The following MKX variants were observed in gnomAD, a reference collection of about 807,000 sequenced individuals.
MKX encodes the protein mohawk homeobox.
A neutral mutation model predicts 36.0 loss-of-function variants in MKX; 13 were observed. That is an observed-to-expected ratio of 0.36 (90% CI 0.24 to 0.57). The LOEUF (loss-of-function observed/expected upper bound fraction) is 0.57. Ranked by LOEUF, MKX falls within the 20% of genes least tolerant of loss-of-function variation. The pLI, the probability that MKX is intolerant of heterozygous loss-of-function variation, is 0.79. For synonymous variants in MKX, 176 were observed against 178.3 expected, an observed-to-expected ratio of 0.99 and a Z score of 0.10; for missense variants, 458 against 456.4, an observed-to-expected ratio of 1.00 and a Z score of -0.03.
rs913172235 is a variant in MKX, at chr10:27,721,459, G to A, written c.838+12997C>T. ...ACTATGCACCCATAAAAAGAAATGC[G>A]ATAATGTCCTTTGCAGGGACACGCA... On this transcript the variant is annotated intron_variant, in intron 5 of 6. Transcript: ENST00000419761. 4.6e-5 allele frequency among the ~76,000 whole-genome samples: 7 copies of A among 152,148 alleles called. No individual in the cohort carries two copies. The East Asian group carries it at 7.7e-4, about 17-fold the overall frequency.
intron 5 of MKX, among the ~76,000 whole-genome samples, chr10:27,727,651 A>G (rs1489387940): frequency 6.6e-6 from 1 of 152,238 alleles, no homozygotes; most frequent in Non-Finnish European, 1.5e-5. Context: ...ATTTGTATAA[A>G]TCTCATTTTA....
intron 5 of MKX, among the ~76,000 whole-genome samples, chr10:27,727,294 G>A (rs148584472): frequency 7.9e-5 from 12 of 152,284 alleles, no homozygotes; most frequent in East Asian, 5.8e-4. Flanking sequence ...GGGCTCTCAC[G>A]TGATACCAAA....
chr10:27,713,961 TTC>T (rs1404494743), intron 5 of MKX, among the ~76,000 whole-genome samples: 1 of 140,996 alleles, frequency 7.1e-6, no homozygotes, highest in Non-Finnish European at 1.5e-5. Context: ...CTTTTCTTAC[TTC>T]TCACCTGCTC....
chr10:27,728,246 A>G (rs973290834), intron 5 of MKX, among the ~76,000 whole-genome samples: 2 of 152,260 alleles, frequency 1.3e-5, no homozygotes, highest in Non-Finnish European at 2.9e-5. Context: ...TTACTGGTCA[A>G]CAAAAGCCCA....
intron 1 of MKX, chr10:27,745,475 T>A (rs2132665821): frequency 6.6e-6 from 1 of 152,546 alleles, no homozygotes; most frequent in Non-Finnish European, 1.5e-5. Context: ...AGTGTCCCCC[T>A]CCCCCAACGC....
At chr10:27,704,077 G>A (rs991024749) in intron 5 of MKX, among the ~76,000 whole-genome samples, 18 of 152,204 alleles carry the variant, frequency 1.2e-4, no homozygotes, top group Admixed American at 5.9e-4. Flanking sequence ...TAGAAAATGC[G>A]ATGGAAGAAA....
At chr10:27,703,885 G>GC (rs1836706279) in intron 5 of MKX, among the ~76,000 whole-genome samples, 1 of 152,034 alleles carries the variant, frequency 6.6e-6, no homozygotes, top group African/African-American at 2.4e-5. Flanking sequence ...GGGCAACAGA[G>GC]CGAGACTCTG....
At chr10:27,683,263 T>C (rs1273320555) in intron 5 of MKX, among the ~76,000 whole-genome samples, 3 of 152,216 alleles carry the variant, frequency 2.0e-5, no homozygotes, top group African/African-American at 7.2e-5. Context: ...TGTGAAGGTA[T>C]GTTTAGATAC....
At chr10:27,703,828 A>C (rs959430421) in intron 5 of MKX, among the ~76,000 whole-genome samples, 2 of 152,166 alleles carry the variant, frequency 1.3e-5, no homozygotes, top group African/African-American at 4.8e-5. Context: ...TGAACCCAGG[A>C]GATGGAGGTT....
At chr10:27,711,483 C>CTTTCTTTCTTTT (rs1391922537) in intron 5 of MKX, among the ~76,000 whole-genome samples, 1 of 63,292 alleles carries the variant, frequency 1.6e-5, no homozygotes, top group African/African-American at 5.8e-5. Context: ...TTCTTTCTTT[C>CTTTCTTTCTTTT]TCTCTCTCTC....
At position 27,741,205 on chromosome 10, in the gene MKX, G is replaced by GT; in HGVS notation, c.348+139dup. On this transcript the variant is annotated intron_variant, in intron 3 of 6. Coordinates refer to ENST00000419761, the MANE Select transcript of MKX (RefSeq NM_173576.3). This position sits in a 1 kb window ranked among gnomAD's most constrained non-coding sequence, Gnocchi z 5.1. Reference sequence around the variant, plus strand: ...CTGAACTGAGGGATGAGGGTGAGAGGTAATTCAGAAACTCCCACAGCTCGG... The same window carrying GT: ...CTGAACTGAGGGATGAGGGTGAGAGGTTAATTCAGAAACTCCCACAGCTCGG... The GT allele has an allele frequency of 9.9e-7, 1 of 1,011,570 alleles. No homozygotes were observed. Among genetic ancestry groups the GT allele is most frequent in the South Asian group, 1.5e-5 (1 of 67,178 alleles). 62.7% of individuals were successfully genotyped at this position (1,011,570 alleles called of 1,614,324 possible).
At chr10:27,681,482 G>A (rs533814544) in intron 5 of MKX, among the ~76,000 whole-genome samples, 58 of 151,994 alleles carry the variant, frequency 3.8e-4, no homozygotes, top group African/African-American at 1.4e-3. Context: ...CACACCTACT[G>A]AGCTGCTAAA....
At chr10:27,696,842 G>T (rs1251332067) in intron 5 of MKX, among the ~76,000 whole-genome samples, 1 of 152,160 alleles carries the variant, frequency 6.6e-6, no homozygotes, top group Non-Finnish European at 1.5e-5. Context: ...AAATGTAAAG[G>T]TTCTTACTCA....
intron 5 of MKX, among the ~76,000 whole-genome samples, chr10:27,679,419 T>G (rs1836213119): frequency 6.6e-6 from 1 of 152,158 alleles, no homozygotes; most frequent in Non-Finnish European, 1.5e-5. Context: ...GCAGTCTCTG[T>G]GTTCAAAGTG....
At chr10:27,690,590 G>C (rs1029222267) in intron 5 of MKX, among the ~76,000 whole-genome samples, 1 of 152,098 alleles carries the variant, frequency 6.6e-6, no homozygotes, top group African/African-American at 2.4e-5. Context: ...GGGGATCATT[G>C]TAACACCTAC....
At chr10:27,707,473 G>T (rs1836777385) in intron 5 of MKX, among the ~76,000 whole-genome samples, 6 of 151,990 alleles carry the variant, frequency 3.9e-5, no homozygotes, top group Admixed American at 3.9e-4. Flanking sequence ...AGTGGGTGTG[G>T]GTATCTCTTA....
At chr10:27,711,707 G>A (rs1436134460) in intron 5 of MKX, among the ~76,000 whole-genome samples, 3 of 149,512 alleles carry the variant, frequency 2.0e-5, no homozygotes, top group African/African-American at 7.4e-5. Context: ...CCCAGTAGCC[G>A]AAACTACAGG....
At chr10:27,687,516 T>TAA (rs1487951241) in intron 5 of MKX, among the ~76,000 whole-genome samples, 2 of 152,210 alleles carry the variant, frequency 1.3e-5, no homozygotes, top group South Asian at 2.1e-4. Context: ...TGGTGGCTCT[T>TAA]TAGTCATTTC....
At chr10:27,735,609 C>CA (rs1239926518) in intron 3 of MKX, among the ~76,000 whole-genome samples, 1 of 151,876 alleles carries the variant, frequency 6.6e-6, no homozygotes, top group Non-Finnish European at 1.5e-5. Context: ...GCCTTGACAT[C>CA]AAAAAATTTA....
Sources: gnomAD v4.1 joint callset for allele counts (sites outside exome capture counted in the v4.1 genomes callset) on GRCh38, gnomAD v4.1.1 for gene constraint, Gnocchi (gnomAD v3.1) non-coding constraint, MANE v1.5 for transcripts, NCBI Gene and HGNC (gene_info 2026-07-23, HGNC 2026-07-21) for gene names.